EIF3H: variants seen among roughly 807,000 people sequenced by gnomAD.
The protein encoded by EIF3H is eukaryotic translation initiation factor 3 subunit H, also known as eIF-3-gamma.
In EIF3H, 26 loss-of-function variants were observed where a neutral mutation model predicts 44.2. That is an observed-to-expected ratio of 0.59 (90% CI 0.43 to 0.82). The LOEUF is 0.82. EIF3H is among the 40% of genes least tolerant of loss of function. EIF3H has a pLI of 0.00. For synonymous variants in EIF3H, 166 were observed against 151.9 expected, an observed-to-expected ratio of 1.09 and a Z score of -0.68; for missense variants, 359 against 432.8, an observed-to-expected ratio of 0.83 and a Z score of 1.51.
At chr8:116,686,342 T>C (rs1814077428) in intron 2 of EIF3H, among the ~76,000 whole-genome samples, 1 of 152,158 alleles carries the variant, frequency 6.6e-6, no homozygotes. Flanking sequence ...GGAATGAGTT[T>C]TGTGTGTCTG....
At chr8:116,700,582 T>C (rs10093551) in intron 2 of EIF3H, among the ~76,000 whole-genome samples, 129,614 of 152,046 alleles carry the variant, frequency 0.85, 55,422 homozygotes, top group Middle Eastern at 0.9. Context: ...TTACCAACTA[T>C]TTAGCAAAAA....
intron 2 of EIF3H, among the ~76,000 whole-genome samples, chr8:116,672,092 A>G (rs1813767885): frequency 6.6e-6 from 1 of 152,242 alleles, no homozygotes; most frequent in Non-Finnish European, 1.5e-5. Flanking sequence ...TAAAACAGCA[A>G]TGAGTATCCT....
intron 2 of EIF3H, among the ~76,000 whole-genome samples, chr8:116,702,070 A>G (rs554174698): frequency 1.3e-5 from 2 of 152,310 alleles, no homozygotes; most frequent in East Asian, 3.9e-4. Flanking sequence ...ATGATCTATG[A>G]GACATGCAGC....
chr8:116,656,184 TTGAG>T (rs1419532686), intron 4 of EIF3H, among the ~76,000 whole-genome samples, 179 bp from the exon 5 acceptor site: 1 of 151,790 alleles, frequency 6.6e-6, no homozygotes, highest in Non-Finnish European at 1.5e-5. Context: ...GTTGAGTGAT[TTGAG>T]TAACTTTGAA....
rs1186740229 is a variant in EIF3H at position 116,644,902 on chromosome 8, G to A, written c.*104C>T. 2 of 912,620 alleles carry A rather than the reference G, an allele frequency of 2.2e-6. No individual in the cohort carries two copies. The highest frequency in any genetic ancestry group is 2.5e-5 in the Admixed American group (1 of 39,734). The allele number at this position is 912,620 out of a possible 1,614,324, so 56.5% of individuals were successfully genotyped here. ...AGCCAAAATCGGCAATGACACTAAAGAAATCCTCTGTGCTTTTCAATATGC... is the reference window on the plus strand; with the variant it reads ...AGCCAAAATCGGCAATGACACTAAAAAAATCCTCTGTGCTTTTCAATATGC... On this transcript the variant is annotated 3_prime_UTR_variant, in exon 8 of 8. Transcript: ENST00000521861.
At chr8:116,693,907 T>G (rs75831034) in intron 2 of EIF3H, among the ~76,000 whole-genome samples, 1,742 of 152,256 alleles carry the variant, frequency 0.011, 33 homozygotes, top group African/African-American at 0.039. Flanking sequence ...CCTCAAGAGA[T>G]CCTTCTGCCT....
At chr8:116,743,565 G>A (rs994484860) in intron 1 of EIF3H, among the ~76,000 whole-genome samples, 6 of 151,778 alleles carry the variant, frequency 4.0e-5, no homozygotes, top group East Asian at 1.9e-4. Context: ...TCAACATGGC[G>A]AAACCCCATC....
At chr8:116,737,363 A>G in intron 1 of EIF3H, 1 of 426,306 alleles carries the variant, frequency 2.3e-6, no homozygotes, top group Non-Finnish European at 4.6e-6. Flanking sequence ...TAAAGTTTTA[A>G]AAATTAATAG....
At chr8:116,693,908 C>A (rs1586459990) in intron 2 of EIF3H, among the ~76,000 whole-genome samples, 1 of 152,264 alleles carries the variant, frequency 6.6e-6, no homozygotes, top group African/African-American at 2.4e-5. Flanking sequence ...CTCAAGAGAT[C>A]CTTCTGCCTT....
intron 1 of EIF3H, among the ~76,000 whole-genome samples, chr8:116,739,422 G>A (rs1425788866): frequency 3.3e-5 from 5 of 152,186 alleles, no homozygotes; most frequent in South Asian, 2.1e-4. Flanking sequence ...AGGCCGCGGC[G>A]GGCAGATCAC....
At chr8:116,715,260 T>C (rs1454426487) in intron 2 of EIF3H, among the ~76,000 whole-genome samples, 7 of 152,016 alleles carry the variant, frequency 4.6e-5, no homozygotes, top group Admixed American at 3.3e-4. Context: ...CAGTCGACAC[T>C]AGTATCTCTT....
chr8:116,755,949 T>C, upstream of EIF3H: 1 of 1,536,880 alleles, frequency 6.5e-7, no homozygotes, highest in Non-Finnish European at 8.7e-7. Flanking sequence ...TTTCCAGTTT[T>C]ACCTTCTTTC....
chr8:116,759,684 A>G (rs560184235), upstream of EIF3H, among the ~76,000 whole-genome samples: 1 of 152,240 alleles, frequency 6.6e-6, no homozygotes, highest in Admixed American at 6.5e-5. Flanking sequence ...AGATGAGCCA[A>G]AAGATGTGTG....
chr8:116,646,698 C>A, intron 6 of EIF3H, 95 bp from the exon 7 acceptor site: 1 of 1,488,654 alleles, frequency 6.7e-7, no homozygotes, highest in Non-Finnish European at 9.1e-7. Context: ...AACCCCACTG[C>A]TCTGAATTCC....
At chr8:116,661,125 T>C (rs1813580049) in intron 2 of EIF3H, among the ~76,000 whole-genome samples, 1 of 152,232 alleles carries the variant, frequency 6.6e-6, no homozygotes, top group Non-Finnish European at 1.5e-5. Context: ...TGTTTCGAAA[T>C]TCCATAATTC....
intron 2 of EIF3H, among the ~76,000 whole-genome samples, chr8:116,724,174 A>G (rs140058186): frequency 6.6e-6 from 1 of 152,328 alleles, no homozygotes; most frequent in East Asian, 1.9e-4. Flanking sequence ...AGTGATCTTT[A>G]ACGAGGGTGC....
At position 116,644,887 on chromosome 8, in the gene EIF3H, G is replaced by T; in HGVS notation, c.*119C>A. Reference sequence around the variant, plus strand: ...GAAAGACACTGTTATAGCCAAAATCGGCAATGACACTAAAGAAATCCTCTG... The same window carrying T: ...GAAAGACACTGTTATAGCCAAAATCTGCAATGACACTAAAGAAATCCTCTG... On this transcript the variant is annotated 3_prime_UTR_variant, in exon 8 of 8. Coordinates refer to ENST00000521861, the MANE Select transcript of EIF3H (RefSeq NM_003756.3). The T allele has an allele frequency of 1.4e-6, 1 of 718,806 alleles. No homozygotes were observed. The highest frequency in any genetic ancestry group is 2.3e-6 in the Non-Finnish European group (1 of 437,146). 44.5% of individuals were successfully genotyped at this position (718,806 alleles called of 1,614,324 possible).
chr8:116,726,680 G>A (rs1241970723), intron 1 of EIF3H, among the ~76,000 whole-genome samples: 5 of 152,084 alleles, frequency 3.3e-5, no homozygotes, highest in African/African-American at 7.2e-5. Context: ...ACGGGAACAC[G>A]TACCCACACA....
rs1448227416 is a variant in EIF3H, at chr8:116,649,069, G to A, written c.708-143C>T. On this transcript the variant is annotated intron_variant, in intron 5 of 7. Coordinates refer to ENST00000521861, the MANE Select transcript of EIF3H (RefSeq NM_003756.3). The stretch of plus-strand genomic sequence containing the variant: ...CATATGCATAAAAGCAAGAGCAGAG[G>A]AAAAAATCTGAGTCAACTTGTTACT... 4 of 612,944 alleles carry A rather than the reference G, an allele frequency of 6.5e-6. No homozygotes were observed. The East Asian group carries it at 1.3e-4, about 20-fold the overall frequency. The allele number at this position is 612,944 out of a possible 1,614,324, so 38.0% of individuals were successfully genotyped here. A position where few individuals can be genotyped will look rare whatever the true frequency, so the allele number is the denominator to read the frequency against.
Sources: allele counts gnomAD v4.1 joint callset (sites outside exome capture counted in the v4.1 genomes callset), GRCh38; gene constraint gnomAD v4.1.1; transcripts MANE v1.5; gene names NCBI Gene and HGNC (gene_info 2026-07-23, HGNC 2026-07-21).